The following GRK5 variants were observed in gnomAD, a reference collection of about 807,000 sequenced individuals.
GRK5 encodes G protein-coupled receptor kinase 5.
GRK5 carries 40 observed loss-of-function variants against 78.4 expected under a neutral mutation model. That is an observed-to-expected ratio of 0.51 (90% CI 0.40 to 0.66). The LOEUF (loss-of-function observed/expected upper bound fraction) is 0.66, where lower values mean the gene tolerates loss of function less well. Among genes scored for constraint, GRK5 ranks in the 30% least tolerant of loss-of-function variants. The pLI, the probability that GRK5 is intolerant of heterozygous loss-of-function variation, is 0.00. For synonymous variants in GRK5, 289 were observed against 296.8 expected (o/e 0.97, Z 0.27); for missense variants, 598 against 759.9 (o/e 0.79, Z 2.50).
intron 4 of GRK5, among the ~76,000 whole-genome samples, chr10:119,420,678 A>C (rs1852554294): frequency 6.6e-6 from 1 of 151,154 alleles, no homozygotes; most frequent in Non-Finnish European, 1.5e-5. Context: ...TCTTGGGTTC[A>C]AGGAATCCTC....
rs1236382506 is a variant in GRK5, at chr10:119,261,284, C to A, written c.52+53315C>A. On this transcript the variant is annotated intron_variant, in intron 1 of 15. Coordinates refer to ENST00000392870, the MANE Select transcript of GRK5 (RefSeq NM_005308.3). ...GGGGTGGCGGCCGGGCAGAGGCGCT[C>A]CTCACATCCCAGACAGGGCGGCGGG... 4.2e-5 allele frequency among the ~76,000 whole-genome samples: 6 copies of A among 144,406 alleles called. No individual in the cohort carries two copies. The South Asian group carries it at 1.3e-3, about 32-fold the overall frequency. The allele number at this position is 144,406 out of a possible 152,430, so 94.7% of individuals were successfully genotyped here. A position where few individuals can be genotyped will look rare whatever the true frequency, so the allele number is the denominator to read the frequency against.
chr10:119,450,369 C>T (rs1416157764), intron 13 of GRK5, among the ~76,000 whole-genome samples: 1 of 152,168 alleles, frequency 6.6e-6, no homozygotes, highest in Admixed American at 6.5e-5. Flanking sequence ...AGGGAGATCC[C>T]ATGGCACACA....
rs984240373 is a variant in GRK5 at position 119,430,747 on chromosome 10, G to A, written c.597+309G>A. ...TCGTGTGTGGGGAGGAGATGTGAGG[G>A]CGTGAGGAGGCTGGGCAACCTTGGC... On this transcript the variant is annotated intron_variant, in intron 7 of 15. Coordinates refer to ENST00000392870, the MANE Select transcript of GRK5 (RefSeq NM_005308.3). This position sits in a 1 kb window ranked among gnomAD's most constrained non-coding sequence, Gnocchi z 4.5. Among the ~76,000 whole-genome samples the A allele has an allele frequency of 6.6e-6, 1 of 152,136 alleles. No homozygotes were observed. Among genetic ancestry groups the A allele is most frequent in the African/African-American group, 2.4e-5 (1 of 41,432 alleles).
intron 1 of GRK5, among the ~76,000 whole-genome samples, chr10:119,261,235 A>G (rs1423594480): frequency 6.7e-6 from 1 of 149,894 alleles, no homozygotes; most frequent in Non-Finnish European, 1.5e-5. Flanking sequence ...GCGGCCGGGC[A>G]GAGACACTCC....
chr10:119,340,295 T>C (rs942436090), intron 2 of GRK5, among the ~76,000 whole-genome samples: 1 of 152,012 alleles, frequency 6.6e-6, no homozygotes, highest in Non-Finnish European at 1.5e-5. Flanking sequence ...CCCAGCTAAA[T>C]TTTGTATTTT....
At chr10:119,363,154 G>A (rs899426050) in intron 2 of GRK5, among the ~76,000 whole-genome samples, 21 of 151,906 alleles carry the variant, frequency 1.4e-4, no homozygotes, top group Admixed American at 9.8e-4. Flanking sequence ...GGTGGCAGAC[G>A]CCTGTAATCC....
At position 119,431,711 on chromosome 10, in the gene GRK5, G is replaced by A. The variant is rs1375949159; in HGVS notation, c.738+184G>A. On this transcript the variant is annotated intron_variant, in intron 8 of 15. Coordinates refer to ENST00000392870, the MANE Select transcript of GRK5 (RefSeq NM_005308.3). This position sits in a 1 kb window ranked among gnomAD's most constrained non-coding sequence, Gnocchi z 4.8. ...CTCCATCACACGGCCCATTGTGGTC[G>A]ACTGTGGCTGGCTTTGTCCCATCCC... Among the ~76,000 whole-genome samples the A allele has an allele frequency of 4.6e-5, 7 of 152,238 alleles. No individual in the cohort carries two copies. The highest frequency in any genetic ancestry group is 1.7e-4 in the African/African-American group (7 of 41,458).
intron 3 of GRK5, among the ~76,000 whole-genome samples, chr10:119,394,453 T>TGTC (rs142513559): frequency 1 from 82,415 of 82,808 alleles, 41,080 homozygotes; most frequent in Middle Eastern, 1. Context: ...TGTATCTGCT[T>TGTC]AGTGGGCACG....
rs1852811577 is a variant in GRK5, at chr10:119,431,306, GCCTGTGGTCCCCGC to G, written c.598-76_598-63del. 8.7e-6 allele frequency: 13 copies of G among 1,495,498 alleles called. No homozygotes were observed. The highest frequency in any genetic ancestry group is 2.1e-4 in the Middle Eastern group (1 of 4,670). The allele number at this position is 1,495,498 out of a possible 1,614,324, so 92.6% of individuals were successfully genotyped here. On this transcript the variant is annotated intron_variant, in intron 7 of 15. Coordinates refer to ENST00000392870, the MANE Select transcript of GRK5 (RefSeq NM_005308.3). The surrounding 1 kb of genome is among the most constrained non-coding windows in gnomAD (Gnocchi z 4.8). ...ACCCCATCCATTCTCTACCTGGGAG[GCCTGTGGTCCCCGC>G]CCTGGAGGAGCTCGGGGCAGGCCTC...
intron 1 of GRK5, among the ~76,000 whole-genome samples, chr10:119,256,930 G>A (rs563592746): frequency 1.3e-5 from 2 of 152,256 alleles, no homozygotes; most frequent in Non-Finnish European, 2.9e-5. Context: ...GCCAATCTGG[G>A]TTGTCTCTGG....
At chr10:119,265,483 T>C (rs1413188788) in intron 1 of GRK5, among the ~76,000 whole-genome samples, 1 of 152,046 alleles carries the variant, frequency 6.6e-6, no homozygotes, top group Non-Finnish European at 1.5e-5. Context: ...TTAGTGCCTT[T>C]AGAAGAAGAA....
intron 1 of GRK5, among the ~76,000 whole-genome samples, chr10:119,270,345 T>C (rs1207478723): frequency 6.6e-6 from 1 of 152,294 alleles, no homozygotes; most frequent in Non-Finnish European, 1.5e-5. Flanking sequence ...TGCTTGGGTC[T>C]GTACTGAACA....
chr10:119,448,396 CCACTCCT>C, intron 13 of GRK5, 136 bp downstream of exon 13: 1 of 937,016 alleles, frequency 1.1e-6, no homozygotes, highest in South Asian at 1.9e-5. Flanking sequence ...CCCCTCCCGG[CCACTCCT>C]CACCTAAGCT....
chr10:119,291,540 T>TTCCTCCTCCTCCTCTTCCTCCTCC (rs1331179223), intron 1 of GRK5, among the ~76,000 whole-genome samples: 1 of 123,154 alleles, frequency 8.1e-6, no homozygotes, highest in Non-Finnish European at 1.7e-5. Flanking sequence ...CCTCCTCCTC[T>TTCCTCCTCCTCCTCTTCCTCCTCC]TCCTCCTCCT....
chr10:119,208,599 G>A (rs1848429032), intron 1 of GRK5: 1 of 152,162 alleles, frequency 6.6e-6, no homozygotes, highest in Non-Finnish European at 1.5e-5. Context: ...TTTCTTTTCT[G>A]GGAGTGTGAT....
At chr10:119,401,385 C>T (rs935539807) in intron 4 of GRK5, among the ~76,000 whole-genome samples, 1 of 152,200 alleles carries the variant, frequency 6.6e-6, no homozygotes, top group East Asian at 1.9e-4. Flanking sequence ...GCCAGCTTTG[C>T]TTTGGGGGTG....
At chr10:119,368,461 G>A (rs1851487899) in intron 2 of GRK5, among the ~76,000 whole-genome samples, 1 of 152,172 alleles carries the variant, frequency 6.6e-6, no homozygotes, top group Non-Finnish European at 1.5e-5. Flanking sequence ...CTGGAGAAAG[G>A]CCCCATGCCC....
Position 119,439,750 on chromosome 10 carries a change from A to C in GRK5, c.949A>C (p.Ile317Leu). 5.6e-6 allele frequency: 9 copies of C among 1,614,092 alleles called. No homozygotes were observed. The highest frequency in any genetic ancestry group is 7.6e-6 in the Non-Finnish European group (9 of 1,179,988). Residue 317 changes from isoleucine (I) to leucine (L), a missense_variant, in exon 10 of 16, where the codon ATC (isoleucine) becomes CTC (leucine). Coordinates refer to ENST00000392870, the MANE Select transcript of GRK5 (RefSeq NM_005308.3). The part of the protein sequence containing the change: ...TVYRDLKPEN[I>L]LLDDYGHIRI... ...TTTCAGAGATCTGAAACCTGAAAAC[A>C]TCCTGTTAGATGATTATGGTAAGTC...
Position 119,311,916 on chromosome 10 carries a change from T to C in GRK5, c.53-14600T>C, listed in dbSNP as rs922536501. ...TACTGAATGCTACTGAATTGTTCAT[T>C]TTTTTTTTTTTTTTTTTGAGACGGA... On this transcript the variant is annotated intron_variant, in intron 1 of 15. Transcript: ENST00000392870. 3.8e-4 allele frequency among the ~76,000 whole-genome samples: 57 copies of C among 148,540 alleles called. 1 individual carries two copies. Among genetic ancestry groups the C allele is most frequent in the Admixed American group, 4.7e-4 (7 of 14,996 alleles).
Sources: allele counts gnomAD v4.1 joint callset (sites outside exome capture counted in the v4.1 genomes callset), GRCh38; gene constraint gnomAD v4.1.1; non-coding constraint Gnocchi (gnomAD v3.1); transcripts MANE v1.5; gene names NCBI Gene and HGNC (gene_info 2026-07-23, HGNC 2026-07-21).